The following AUTS2 variants were observed in gnomAD, a reference collection of about 807,000 sequenced individuals.
AUTS2 encodes the protein autism susceptibility gene 2 protein.
In AUTS2, 17 loss-of-function variants were observed where a neutral mutation model predicts 112.4. The ratio of observed to expected loss-of-function variants is 0.15; its 90% CI spans 0.10 to 0.23. The LOEUF (loss-of-function observed/expected upper bound fraction) is 0.23, where lower values mean the gene tolerates loss of function less well. AUTS2 is among the 10% of genes least tolerant of loss of function. The pLI is 1.00. For synonymous variants in AUTS2, 751 were observed against 702.7 expected (o/e 1.07, Z -1.09); for missense variants, 1,510 against 1,701.6 (o/e 0.89, Z 1.98).
chr7:69,681,966 T>C lies in AUTS2; in HGVS notation c.309+82004T>C, dbSNP rs533840547. ...TTACTAGATGTGTGACCTTGGAGAA[T>C]GTAACAAACTGTTGTTTCACAGTTT... On this transcript the variant is annotated intron_variant, in intron 1 of 18. Transcript: ENST00000342771. Among the ~76,000 whole-genome samples, 5 of 152,334 alleles carry C rather than the reference T, an allele frequency of 3.3e-5. No homozygotes were observed. The South Asian group carries it at 8.3e-4, about 25-fold the overall frequency.
intron 5 of AUTS2, among the ~76,000 whole-genome samples, chr7:70,674,942 T>C (rs192011783): frequency 6.6e-6 from 1 of 152,320 alleles, no homozygotes; most frequent in East Asian, 1.9e-4. Context: ...TTGCATTTGT[T>C]GATTCTCTTA....
At chr7:70,767,216 C>A (rs1390286763) in intron 9 of AUTS2, among the ~76,000 whole-genome samples, 2 of 152,156 alleles carry the variant, frequency 1.3e-5, no homozygotes, top group Non-Finnish European at 2.9e-5. Flanking sequence ...GAGTCCACTT[C>A]ACCCAACTTT....
At chr7:69,615,272 A>C (rs1583944804) in intron 1 of AUTS2, among the ~76,000 whole-genome samples, 1 of 152,110 alleles carries the variant, frequency 6.6e-6, no homozygotes, top group South Asian at 2.1e-4. Context: ...AGTGGGTGCC[A>C]TCTATTTTCT....
At chr7:70,593,409 A>G (rs13239236) in intron 5 of AUTS2, among the ~76,000 whole-genome samples, 16,327 of 152,204 alleles carry the variant, frequency 0.11, 1,555 homozygotes, top group African/African-American at 0.26. Context: ...ACACTGCCTC[A>G]GTGACATAAA....
chr7:70,769,508 AC>A (rs1217846613), intron 10 of AUTS2, among the ~76,000 whole-genome samples: 7 of 152,012 alleles, frequency 4.6e-5, no homozygotes, highest in Non-Finnish European at 8.8e-5. Flanking sequence ...ACACGGTGAA[AC>A]CCCGTCTCTA....
intron 1 of AUTS2, among the ~76,000 whole-genome samples, chr7:69,617,151 A>G (rs1286694331): frequency 6.6e-6 from 1 of 152,192 alleles, no homozygotes; most frequent in East Asian, 1.9e-4. Context: ...AGGTCCTCAA[A>G]TAACATTGAT....
chr7:70,705,235 A>G (rs1229093618), intron 6 of AUTS2, among the ~76,000 whole-genome samples: 3 of 152,176 alleles, frequency 2.0e-5, no homozygotes, highest in East Asian at 1.9e-4. Flanking sequence ...ATTTGTCTCA[A>G]TTACTCAGAA....
chr7:70,098,636 A>G (rs1804323073), intron 2 of AUTS2, among the ~76,000 whole-genome samples: 1 of 151,876 alleles, frequency 6.6e-6, no homozygotes, highest in Non-Finnish European at 1.5e-5. Context: ...CCAATTGTTG[A>G]TGTTGTAGAC....
At position 70,289,426 on chromosome 7, in the gene AUTS2, C is replaced by G. The variant is rs370969341; in HGVS notation, c.661-146326C>G. ...TCACCATTCAATAGGTGTCTATCGA[C>G]AGCCTTCTGTGTGGAAGGTACTGAG... On this transcript the variant is annotated intron_variant, in intron 4 of 18. Transcript: ENST00000342771. Among the ~76,000 whole-genome samples, 10 of 152,212 alleles carry G rather than the reference C, an allele frequency of 6.6e-5. No homozygotes were observed. The East Asian group carries it at 1.9e-3, about 29-fold the overall frequency.
chr7:69,654,604 A>G (rs976527414), intron 1 of AUTS2, among the ~76,000 whole-genome samples: 1 of 152,194 alleles, frequency 6.6e-6, no homozygotes, highest in Non-Finnish European at 1.5e-5. Flanking sequence ...GAAATGAGTG[A>G]TGCAATCAAG....
In AUTS2 at chr7:70,390,752, C is replaced by T. The variant is rs547306573; in HGVS notation, c.661-45000C>T. On this transcript the variant is annotated intron_variant, in intron 4 of 18. Coordinates refer to ENST00000342771, the MANE Select transcript of AUTS2 (RefSeq NM_015570.4). ...GTTAGGTAGTTCCCCCATTCTGTGA[C>T]CTGGCTCTGAAAAAGTCAGATACTC... is the stretch of plus-strand genomic sequence containing the variant. Among the ~76,000 whole-genome samples the T allele has an allele frequency of 5.3e-5, 8 of 152,182 alleles. No individual in the cohort carries two copies. The South Asian group carries it at 8.3e-4, about 16-fold the overall frequency.
At chr7:69,957,866 C>T (rs1223779254) in intron 2 of AUTS2, among the ~76,000 whole-genome samples, 2 of 151,268 alleles carry the variant, frequency 1.3e-5, no homozygotes, top group African/African-American at 4.9e-5. Context: ...CCTGGCATAG[C>T]AGCTCTACAC....
intron 2 of AUTS2, among the ~76,000 whole-genome samples, chr7:69,962,710 G>GTGTA (rs1172502424): frequency 1.3e-5 from 2 of 152,008 alleles, no homozygotes. Context: ...ATGCATGTAT[G>GTGTA]TGTATGTGTG....
intron 6 of AUTS2, among the ~76,000 whole-genome samples, chr7:70,739,804 TAAAAAAAA>T (rs35729505): frequency 7.2e-6 from 1 of 139,588 alleles, no homozygotes; most frequent in Non-Finnish European, 1.5e-5. Flanking sequence ...CTCTAATTGT[TAAAAAAAA>T]AAAAAAAAAA....
At chr7:69,938,278 G>A (rs962215519) in intron 2 of AUTS2, among the ~76,000 whole-genome samples, 24 of 152,142 alleles carry the variant, frequency 1.6e-4, no homozygotes, top group East Asian at 3.9e-4. Context: ...GCAGCTTCCC[G>A]TAGGCCTCTT....
At chr7:70,156,785 C>G (rs1024955488) in intron 4 of AUTS2, among the ~76,000 whole-genome samples, 1 of 148,834 alleles carries the variant, frequency 6.7e-6, no homozygotes, top group Admixed American at 6.8e-5. Context: ...CGTGGTGGCT[C>G]ATGCCTATAA....
At chr7:69,636,724 C>T (rs1379820732) in intron 1 of AUTS2, among the ~76,000 whole-genome samples, 4 of 151,786 alleles carry the variant, frequency 2.6e-5, no homozygotes, top group Non-Finnish European at 4.4e-5. Flanking sequence ...TTTTTTCCTA[C>T]TTAATAAGAT....
At chr7:69,707,656 A>G (rs1798128230) in intron 1 of AUTS2, among the ~76,000 whole-genome samples, 1 of 152,242 alleles carries the variant, frequency 6.6e-6, no homozygotes, top group South Asian at 2.1e-4. Flanking sequence ...CTAGGGATAT[A>G]TTTGTGAACA....
intron 2 of AUTS2, among the ~76,000 whole-genome samples, chr7:69,977,253 A>G (rs1375607024): frequency 6.6e-6 from 1 of 152,104 alleles, no homozygotes; most frequent in Admixed American, 6.6e-5. Flanking sequence ...TTAACCATGT[A>G]TGTGAAGGTT....
Sources: gnomAD v4.1 joint callset for allele counts (sites outside exome capture counted in the v4.1 genomes callset) on GRCh38, gnomAD v4.1.1 for gene constraint, MANE v1.5 for transcripts, NCBI Gene and HGNC (gene_info 2026-07-23, HGNC 2026-07-21) for gene names.